The following PLEKHA7 variants were observed in gnomAD, a reference collection of about 807,000 sequenced individuals.
PLEKHA7 encodes pleckstrin homology domain-containing family A member 7.
PLEKHA7 carries 104 observed loss-of-function variants against 170.0 expected under a neutral mutation model. The observed-to-expected ratio is 0.61, with a 90% CI of 0.52 to 0.72. PLEKHA7 has a LOEUF of 0.72. PLEKHA7 is among the 30% of genes least tolerant of loss of function. The pLI is 0.00. For synonymous variants in PLEKHA7, 648 were observed against 660.8 expected (o/e 0.98, Z 0.30); for missense variants, 1,615 against 1,671.7 (o/e 0.97, Z 0.59).
intron 3 of PLEKHA7, among the ~76,000 whole-genome samples, chr11:16,898,136 A>G (rs1047086944): frequency 6.6e-6 from 1 of 152,180 alleles, no homozygotes; most frequent in Non-Finnish European, 1.5e-5. Flanking sequence ...ATGAAGTCAC[A>G]TGATCCATCC....
At chr11:16,922,321 T>C (rs1031997681) in intron 3 of PLEKHA7, among the ~76,000 whole-genome samples, 7 of 152,184 alleles carry the variant, frequency 4.6e-5, no homozygotes, top group African/African-American at 9.7e-5. Flanking sequence ...TCTCATACAA[T>C]TCTCACAATT....
chr11:17,005,102 T>TA (rs771365674), intron 3 of PLEKHA7, among the ~76,000 whole-genome samples: 1 of 131,276 alleles, frequency 7.6e-6, no homozygotes, highest in South Asian at 2.9e-4. Flanking sequence ...TACAGCCCTC[T>TA]GTCACCTCAG....
At chr11:16,925,874 G>A (rs72865722) in intron 3 of PLEKHA7, among the ~76,000 whole-genome samples, 15,860 of 152,296 alleles carry the variant, frequency 0.1, 1,020 homozygotes, top group Non-Finnish European at 0.14. Flanking sequence ...TCCTTTCCTC[G>A]TAGAGGATGC....
intron 23 of PLEKHA7, chr11:16,786,724 G>C (rs1194285081): frequency 1.0e-6 from 1 of 985,274 alleles, no homozygotes; most frequent in African/African-American, 1.7e-5. Context: ...CTAGAGAAGG[G>C]ATTTGTCCCT....
chr11:16,826,081 G>A (rs370471857), intron 10 of PLEKHA7, 39 bp downstream of exon 10: 16 of 1,577,788 alleles, frequency 1.0e-5, no homozygotes, highest in East Asian at 2.2e-5. Context: ...CTACATTATC[G>A]TGCTCGTTAT....
At chr11:16,935,374 ATCG>A (rs1208422987) in intron 3 of PLEKHA7, among the ~76,000 whole-genome samples, 1 of 152,222 alleles carries the variant, frequency 6.6e-6, no homozygotes, top group Non-Finnish European at 1.5e-5. Context: ...GTGAGCCAAG[ATCG>A]TGCCATTGCA....
chr11:16,922,773 C>T (rs1859193117), intron 3 of PLEKHA7, among the ~76,000 whole-genome samples: 1 of 152,156 alleles, frequency 6.6e-6, no homozygotes, highest in African/African-American at 2.4e-5. Context: ...CAGTAACCAC[C>T]ATCAACCAAG....
intron 3 of PLEKHA7, among the ~76,000 whole-genome samples, chr11:16,885,349 A>G (rs1856005075): frequency 6.6e-6 from 1 of 151,578 alleles, no homozygotes; most frequent in East Asian, 1.9e-4. Flanking sequence ...AAAAAAATTC[A>G]TATGTAAAAG....
Position 16,789,918 on chromosome 11 carries a change from G to A in PLEKHA7, c.3053-40C>T. On this transcript the variant is annotated intron_variant, in intron 21 of 26. Transcript: ENST00000531066. This position sits in a 1 kb window ranked among gnomAD's most constrained non-coding sequence, Gnocchi z 4.6. ...AGAAGTGCAAGCATGTTTGTGCTGGGGTGGATGGGTCCCTGCTTCTCCCTC... is the reference window on the plus strand; with the variant it reads ...AGAAGTGCAAGCATGTTTGTGCTGGAGTGGATGGGTCCCTGCTTCTCCCTC... The A allele has an allele frequency of 3.2e-6, 5 of 1,553,858 alleles. No homozygotes were observed. The highest frequency in any genetic ancestry group is 1.1e-5 in the South Asian group (1 of 89,524).
intron 3 of PLEKHA7, among the ~76,000 whole-genome samples, chr11:16,897,527 G>C (rs532870576): frequency 6.6e-6 from 1 of 152,328 alleles, no homozygotes; most frequent in Non-Finnish European, 1.5e-5. Flanking sequence ...GGGACTGGTG[G>C]TAAGTGGCAG....
chr11:16,940,683 C>G (rs1004862931), intron 3 of PLEKHA7, among the ~76,000 whole-genome samples: 3 of 151,940 alleles, frequency 2.0e-5, no homozygotes, highest in African/African-American at 7.3e-5. Flanking sequence ...CCTGACATAA[C>G]CAGTAAGTGT....
At chr11:16,942,390 T>A (rs1315490915) in intron 3 of PLEKHA7, among the ~76,000 whole-genome samples, 1 of 152,200 alleles carries the variant, frequency 6.6e-6, no homozygotes. Flanking sequence ...CTCCTCATAA[T>A]CCTACTGTGA....
chr11:17,011,755 C>T (rs1005208516), intron 3 of PLEKHA7, among the ~76,000 whole-genome samples: 1 of 152,106 alleles, frequency 6.6e-6, no homozygotes, highest in Non-Finnish European at 1.5e-5. Flanking sequence ...TCTATTATAC[C>T]CAATGGGTCT....
In PLEKHA7 at chr11:16,864,491, T is replaced by C. The variant is rs1854224873; in HGVS notation, c.305+6608A>G. The stretch of plus-strand genomic sequence containing the variant: ...ACAAGGGATGCTATAAACTGTCTGA[T>C]ACAGTTTGGCTGTGTTCCCACCCAA... On this transcript the variant is annotated intron_variant, in intron 4 of 26. Coordinates refer to ENST00000531066, the MANE Select transcript of PLEKHA7 (RefSeq NM_001329630.2). Among the ~76,000 whole-genome samples, 4 of 152,240 alleles carry C rather than the reference T, an allele frequency of 2.6e-5. No homozygotes were observed. In the South Asian group the frequency reaches 8.3e-4, roughly 32 times the overall value.
chr11:16,942,872 C>G (rs940817545), intron 3 of PLEKHA7, among the ~76,000 whole-genome samples: 1 of 152,228 alleles, frequency 6.6e-6, no homozygotes, highest in Non-Finnish European at 1.5e-5. Context: ...AGTAGATAAA[C>G]TGCTGAATGC....
chr11:16,786,250 A>C lies in PLEKHA7; in HGVS notation c.3495T>G (p.Tyr1165Ter), dbSNP rs1849384049. Reference protein sequence around the residue: ...VTELDLEPQDYDLDISRELSK... With the variant: ...VTELDLEPQD ...TCACCTCTCTGCTGATGTCCAAGTCATAGTCTTGAGGCTCCAGGTCCAACT... is the reference window on the plus strand; with the variant it reads ...TCACCTCTCTGCTGATGTCCAAGTCCTAGTCTTGAGGCTCCAGGTCCAACT... The change falls in exon 24 of 27, where the codon TAT becomes TAG. Residue 1165 changes from tyrosine (Y) to a stop codon, truncating the protein, a stop_gained. Coordinates refer to ENST00000531066, the MANE Select transcript of PLEKHA7 (RefSeq NM_001329630.2). LOFTEE classifies it high-confidence loss of function. 6.5e-7 allele frequency: 1 copy of C among 1,535,984 alleles called. No homozygotes were observed. Among genetic ancestry groups the C allele is most frequent in the South Asian group, 1.2e-5 (1 of 84,064 alleles).
rs752964975 is a variant in PLEKHA7 at position 16,841,624 on chromosome 11, G to A, written c.795C>T (p.Asp265=). 3.1e-6 allele frequency: 5 copies of A among 1,614,138 alleles called. No individual in the cohort carries two copies. In the South Asian group the frequency reaches 4.4e-5, roughly 14 times the overall value. The change falls in exon 9 of 27, where the codon GAC becomes GAT. Residue 265 remains aspartate (D), a synonymous_variant. Transcript: ENST00000531066. ...SGMRTYYFSA[D]TQEDMNAWVR... is the part of the protein sequence containing the mutation. ...CCCAAGCGTTCATGTCCTCCTGGGT[G>A]TCGGCACTGAAGTAGTAGGTCCTCA...
intron 3 of PLEKHA7, among the ~76,000 whole-genome samples, chr11:16,925,626 C>T (rs1309705329): frequency 6.6e-6 from 1 of 152,220 alleles, no homozygotes; most frequent in African/African-American, 2.4e-5. Flanking sequence ...CTTCGCGAGC[C>T]CGGGCGGGCC....
chr11:16,988,240 T>C (rs1173015015), intron 3 of PLEKHA7, among the ~76,000 whole-genome samples: 1 of 152,190 alleles, frequency 6.6e-6, no homozygotes, highest in African/African-American at 2.4e-5. Flanking sequence ...TGAGGGAACA[T>C]GCAAAGCTGA....
Sources: gnomAD v4.1 joint callset for allele counts (sites outside exome capture counted in the v4.1 genomes callset) on GRCh38, gnomAD v4.1.1 for gene constraint, Gnocchi (gnomAD v3.1) non-coding constraint, MANE v1.5 for transcripts, NCBI Gene and HGNC (gene_info 2026-07-23, HGNC 2026-07-21) for gene names.